Variants in SORCS3 observed in about 807,000 individuals in gnomAD.
SORCS3 encodes VPS10 domain-containing receptor SorCS3.
In SORCS3, 57 loss-of-function variants were observed where a neutral mutation model predicts 146.3. The ratio of observed to expected loss-of-function variants is 0.39; its 90% CI spans 0.31 to 0.49. SORCS3 has a LOEUF of 0.49. Ranked by LOEUF, SORCS3 falls within the 20% of genes least tolerant of loss-of-function variation. The pLI is 0.92. For missense variants in SORCS3, 1,341 were observed against 1,575.5 expected, an observed-to-expected ratio of 0.85 and a Z score of 2.52; for synonymous variants, 653 against 618.5, an observed-to-expected ratio of 1.06 and a Z score of -0.83.
chr10:105,003,320 T>C (rs1243098593), intron 4 of SORCS3, among the ~76,000 whole-genome samples: 1 of 152,172 alleles, frequency 6.6e-6, no homozygotes, highest in African/African-American at 2.4e-5. Context: ...GTTCCTCTTG[T>C]TAGTAGAAAA....
At chr10:105,091,210 TCCTTCCTTCCCTCCTTC>T in intron 6 of SORCS3, among the ~76,000 whole-genome samples, 2 of 128,530 alleles carry the variant, frequency 1.6e-5, no homozygotes, top group Non-Finnish European at 3.4e-5. Flanking sequence ...CTTCCCTCCT[TCCTTCCTTCCCTCCTTC>T]CTTCCTTCCC....
At chr10:104,830,274 T>C (rs907092333) in intron 1 of SORCS3, among the ~76,000 whole-genome samples, 14 of 152,104 alleles carry the variant, frequency 9.2e-5, no homozygotes, top group Non-Finnish European at 1.5e-5. Context: ...AAAGAAGAGA[T>C]TGAATACAGG....
intron 4 of SORCS3, among the ~76,000 whole-genome samples, chr10:105,039,846 C>T (rs991746605): frequency 6.6e-6 from 1 of 152,136 alleles, no homozygotes; most frequent in East Asian, 1.9e-4. Flanking sequence ...ACCACCAGGT[C>T]GTCCGTGATG....
At chr10:105,047,099 G>C (rs974702666) in intron 5 of SORCS3, among the ~76,000 whole-genome samples, 1 of 152,004 alleles carries the variant, frequency 6.6e-6, no homozygotes, top group African/African-American at 2.4e-5. Context: ...TCTTCCCTTG[G>C]GGGATATTTA....
At chr10:104,688,206 G>A (rs2016070445) in intron 1 of SORCS3, among the ~76,000 whole-genome samples, 1 of 152,242 alleles carries the variant, frequency 6.6e-6, no homozygotes, top group African/African-American at 2.4e-5. Context: ...AACAGTTGCA[G>A]GGTCAGGGAG....
chr10:104,839,133 C>T (rs774882028), intron 1 of SORCS3, among the ~76,000 whole-genome samples: 2 of 152,182 alleles, frequency 1.3e-5, no homozygotes, highest in Non-Finnish European at 2.9e-5. Context: ...TAAGAACCTT[C>T]AATATGCTGA....
At chr10:104,674,565 G>C (rs2015892537) in intron 1 of SORCS3, among the ~76,000 whole-genome samples, 1 of 152,188 alleles carries the variant, frequency 6.6e-6, no homozygotes, top group Admixed American at 6.5e-5. Flanking sequence ...TGAGCCTTGA[G>C]ATTACGGTAG....
intron 11 of SORCS3, among the ~76,000 whole-genome samples, chr10:105,160,542 G>T (rs11192342): frequency 0.087 from 13,245 of 152,180 alleles, 715 homozygotes; most frequent in Admixed American, 0.16. Context: ...CAGTAGTATT[G>T]CTTGAACCCA....
intron 1 of SORCS3, among the ~76,000 whole-genome samples, chr10:104,750,862 A>G (rs2016974929): frequency 6.6e-6 from 1 of 152,196 alleles, no homozygotes; most frequent in Admixed American, 6.5e-5. Flanking sequence ...AATAAGCAAA[A>G]AAACTCACAA....
At position 105,164,167 on chromosome 10, in the gene SORCS3, A is replaced by T. The variant is rs920641415; in HGVS notation, c.1733-136A>T. On this transcript the variant is annotated intron_variant, in intron 11 of 26. Coordinates refer to ENST00000369701, the MANE Select transcript of SORCS3 (RefSeq NM_014978.3). ...CATCCTGCTGGGCTTTTGATATGAC[A>T]CCAGAAAAGAAACTGCACAAATTAG... The T allele has an allele frequency of 6.0e-6, 4 of 665,014 alleles. No homozygotes were observed. In the African/African-American group the frequency reaches 7.2e-5, roughly 12 times the overall value. The allele number at this position is 665,014 out of a possible 1,614,324, so 41.2% of individuals were successfully genotyped here.
At chr10:105,131,672 G>T (rs1159501782) in intron 7 of SORCS3, among the ~76,000 whole-genome samples, 1 of 152,074 alleles carries the variant, frequency 6.6e-6, no homozygotes, top group Non-Finnish European at 1.5e-5. Flanking sequence ...GGTTTTGCAG[G>T]CTGTATGGGA....
At chr10:105,207,156 G>T (rs2056607169) in intron 16 of SORCS3, among the ~76,000 whole-genome samples, 1 of 152,102 alleles carries the variant, frequency 6.6e-6, no homozygotes, top group African/African-American at 2.4e-5. Context: ...ACTGTCAGCT[G>T]TGTACAATCT....
chr10:104,817,972 A>G (rs116461706), intron 1 of SORCS3, among the ~76,000 whole-genome samples: 2,198 of 151,944 alleles, frequency 0.014, 35 homozygotes, highest in African/African-American at 0.038. Context: ...CTTCGCGTCC[A>G]TCTTTCTTTG....
At chr10:105,100,107 G>A (rs976971960) in intron 6 of SORCS3, among the ~76,000 whole-genome samples, 2 of 152,166 alleles carry the variant, frequency 1.3e-5, no homozygotes, top group African/African-American at 4.8e-5. Context: ...GCTCCCTAAA[G>A]GGCCTGCTAG....
chr10:104,807,262 A>T (rs1190863632), intron 1 of SORCS3, among the ~76,000 whole-genome samples: 1 of 152,122 alleles, frequency 6.6e-6, no homozygotes, highest in Admixed American at 6.5e-5. Flanking sequence ...GTACAAAAAC[A>T]TACCACTTTT....
chr10:104,886,423 A>G (rs774724652), intron 2 of SORCS3, among the ~76,000 whole-genome samples: 5 of 152,162 alleles, frequency 3.3e-5, no homozygotes, highest in African/African-American at 4.8e-5. Flanking sequence ...ACTTAGTTTC[A>G]TATATGTTTA....
At position 104,818,360 on chromosome 10, in the gene SORCS3, TCTTCCTTCCTTCCTTC is replaced by T. The variant is rs34389949; in HGVS notation, c.628-24403_628-24388del. On this transcript the variant is annotated intron_variant, in intron 1 of 26. Coordinates refer to ENST00000369701, the MANE Select transcript of SORCS3 (RefSeq NM_014978.3). ...TTTCTTCTCTTTCTTTCTTCTCCTT[TCTTCCTTCCTTCCTTC>T]CTTCCTTCCTTCCTTCCTTCCTTCC... Among the ~76,000 whole-genome samples the T allele has an allele frequency of 6.6e-3, 920 of 139,826 alleles. 10 individuals carry two copies. Among genetic ancestry groups the T allele is most frequent in the African/African-American group, 0.024 (879 of 36,900 alleles). The allele number at this position is 139,826 out of a possible 152,430, so 91.7% of individuals were successfully genotyped here.
chr10:104,770,156 C>T (rs1472199168), intron 1 of SORCS3, among the ~76,000 whole-genome samples: 3 of 152,226 alleles, frequency 2.0e-5, no homozygotes, highest in East Asian at 1.9e-4. Flanking sequence ...TGGGAATTTA[C>T]GTGAGGAACA....
chr10:105,096,601 G>A (rs558930567), intron 6 of SORCS3, among the ~76,000 whole-genome samples: 28 of 152,278 alleles, frequency 1.8e-4, no homozygotes, highest in African/African-American at 6.3e-4. Flanking sequence ...AGGAAGGGTT[G>A]TGCAACTGCT....
Sources: allele counts gnomAD v4.1 joint callset (sites outside exome capture counted in the v4.1 genomes callset), GRCh38; gene constraint gnomAD v4.1.1; transcripts MANE v1.5; gene names NCBI Gene and HGNC (gene_info 2026-07-23, HGNC 2026-07-21).